The following C1orf87 variants were observed in gnomAD, a reference collection of about 807,000 sequenced individuals.
The protein encoded by C1orf87 is uncharacterized protein C1orf87.
A neutral mutation model predicts 60.5 loss-of-function variants in C1orf87; 58 were observed. The observed-to-expected ratio is 0.96, with a 90% CI of 0.78 to 1.19. The LOEUF is 1.19. C1orf87 is among the 50% of genes most tolerant of loss of function. The pLI is 0.00. For synonymous variants in C1orf87, 236 were observed against 227.4 expected (o/e 1.04, Z -0.34); for missense variants, 673 against 638.6 (o/e 1.05, Z -0.58).
chr1:60,064,300 T>TATATATTATATATAAAATA (rs1557481498), intron 2 of C1orf87, among the ~76,000 whole-genome samples: 4 of 129,204 alleles, frequency 3.1e-5, no homozygotes, highest in Middle Eastern at 3.8e-3. Context: ...TATATATATT[T>TATATATTATATATAAAATA]TATATATAAT....
chr1:60,066,610 G>T (rs1032882964), intron 2 of C1orf87, among the ~76,000 whole-genome samples: 2 of 151,974 alleles, frequency 1.3e-5, no homozygotes, highest in African/African-American at 4.8e-5. Flanking sequence ...CATCCATGAG[G>T]GTTGGAATCA....
chr1:60,043,572 A>T lies in C1orf87; in HGVS notation c.343-2441T>A, dbSNP rs188726462. 3.9e-5 allele frequency among the ~76,000 whole-genome samples: 6 copies of T among 152,084 alleles called. No homozygotes were observed. The East Asian group carries it at 9.7e-4, about 25-fold the overall frequency. On this transcript the variant is annotated intron_variant, in intron 3 of 11. Transcript: ENST00000371201. The stretch of plus-strand genomic sequence containing the variant: ...AAATTTTTTTTTGTATTTTTAGTAG[A>T]GATGGGATTTCACCACGTTGGCCAG...
At chr1:60,058,875 G>A (rs1386364156) in intron 2 of C1orf87, among the ~76,000 whole-genome samples, 1 of 152,128 alleles carries the variant, frequency 6.6e-6, no homozygotes, top group Non-Finnish European at 1.5e-5. Flanking sequence ...GGCAAAAATG[G>A]TCTTTTGGCA....
At chr1:60,055,115 G>T (rs1164099458) in intron 3 of C1orf87, 89 bp downstream of exon 3, 11 of 1,139,174 alleles carry the variant, frequency 9.7e-6, no homozygotes, top group Non-Finnish European at 1.3e-5. Context: ...ATGAACATTT[G>T]TACAGTGTGT....
At chr1:60,034,287 A>T (rs1645259658) in intron 6 of C1orf87, among the ~76,000 whole-genome samples, 1 of 152,222 alleles carries the variant, frequency 6.6e-6, no homozygotes, top group African/African-American at 2.4e-5. Context: ...ATAGGTGAAA[A>T]ACAACAGGGT....
chr1:60,011,125 A>T (rs1557460184), intron 8 of C1orf87, among the ~76,000 whole-genome samples: 1 of 152,078 alleles, frequency 6.6e-6, no homozygotes, highest in Non-Finnish European at 1.5e-5. Context: ...GCAAGAACAC[A>T]ATAGTCAGTG....
chr1:60,039,486 ATT>A (rs1451878527), intron 5 of C1orf87, among the ~76,000 whole-genome samples: 1 of 152,172 alleles, frequency 6.6e-6, no homozygotes, highest in East Asian at 1.9e-4. Context: ...TCTGGGCCTC[ATT>A]TCCTTAATCA....
chr1:60,039,799 G>A lies in C1orf87; in HGVS notation c.747+118C>T, dbSNP rs187777403. 8.8e-5 allele frequency: 98 copies of A among 1,118,920 alleles called. 1 individual carries two copies. In the East Asian group the frequency reaches 2.2e-3, roughly 26 times the overall value. The allele number at this position is 1,118,920 out of a possible 1,614,324, so 69.3% of individuals were successfully genotyped here. A position where few individuals can be genotyped will look rare whatever the true frequency, so the allele number is the denominator to read the frequency against. ...GAATATAAATAAGCTTTTTATCTCA[G>A]TAGTCAGGGATAAAAGTTATTTGCA... On this transcript the variant is annotated intron_variant, in intron 5 of 11. Coordinates refer to ENST00000371201, the MANE Select transcript of C1orf87 (RefSeq NM_152377.3).
In C1orf87 at chr1:60,018,942, G is replaced by T. The variant is rs117593326; in HGVS notation, c.1127+6459C>A. ...TTAGAATATAAGTTTCATGAGGAAA[G>T]GGGCTTTGTTTTATTCATATCTATA... On this transcript the variant is annotated intron_variant, in intron 8 of 11. Transcript: ENST00000371201. Among the ~76,000 whole-genome samples the T allele has an allele frequency of 7.0e-4, 107 of 152,290 alleles. 2 individuals carry two copies. The East Asian group carries it at 0.016, about 23-fold the overall frequency.
At chr1:60,067,693 G>A (rs901675084) in intron 2 of C1orf87, among the ~76,000 whole-genome samples, 1 of 150,710 alleles carries the variant, frequency 6.6e-6, no homozygotes, top group Non-Finnish European at 1.5e-5. Flanking sequence ...TCTGATGATA[G>A]TTTCGTTTGC....
In C1orf87 at chr1:60,025,289, C is replaced by T. The variant is rs956375604; in HGVS notation, c.1127+112G>A. 22 of 785,610 alleles carry T rather than the reference C, an allele frequency of 2.8e-5. No homozygotes were observed. The African/African-American group carries it at 3.8e-4, about 14-fold the overall frequency. The allele number at this position is 785,610 out of a possible 1,614,324, so 48.7% of individuals were successfully genotyped here. A position where few individuals can be genotyped will look rare whatever the true frequency, so the allele number is the denominator to read the frequency against. On this transcript the variant is annotated intron_variant, in intron 8 of 11. Transcript: ENST00000371201. ...TTATGACATCATCTAAACCTAATCA[C>T]CTCCCAAACCAGTCTCCAAAAACCA...
intron 10 of C1orf87, among the ~76,000 whole-genome samples, 187 bp from the exon 11 acceptor site, chr1:59,998,003 A>C (rs1644975357): frequency 6.6e-6 from 1 of 152,116 alleles, no homozygotes; most frequent in Non-Finnish European, 1.5e-5. Context: ...GGATACAAAC[A>C]TGTGAAGTGT....
At chr1:60,060,957 C>A (rs1206771249) in intron 2 of C1orf87, among the ~76,000 whole-genome samples, 1 of 152,116 alleles carries the variant, frequency 6.6e-6, no homozygotes, top group Non-Finnish European at 1.5e-5. Context: ...TTCGCTTTTG[C>A]AAGTCTAAGC....
At chr1:60,022,862 T>A (rs1016041462) in intron 8 of C1orf87, among the ~76,000 whole-genome samples, 3 of 152,168 alleles carry the variant, frequency 2.0e-5, no homozygotes, top group Admixed American at 1.3e-4. Context: ...ACTAAGTGAT[T>A]AACACAGGTG....
intron 9 of C1orf87, among the ~76,000 whole-genome samples, chr1:60,006,663 T>C (rs1645048368): frequency 6.6e-6 from 1 of 152,086 alleles, no homozygotes; most frequent in African/African-American, 2.4e-5. Context: ...TTTGAGATCA[T>C]ACTTCATTTT....
intron 1 of C1orf87, among the ~76,000 whole-genome samples, chr1:60,073,319 C>T (rs1210077529): frequency 2.0e-5 from 3 of 152,132 alleles, no homozygotes; most frequent in Admixed American, 2.0e-4. Context: ...TAAATCTGGC[C>T]ACAGCTGAAC....
intron 2 of C1orf87, among the ~76,000 whole-genome samples, chr1:60,059,491 C>T (rs894820202): frequency 5.3e-5 from 8 of 152,146 alleles, no homozygotes; most frequent in Admixed American, 2.0e-4. Flanking sequence ...TCACCGGGCT[C>T]TTTCTGCAAA....
chr1:60,020,229 A>T (rs114847001), intron 8 of C1orf87, among the ~76,000 whole-genome samples: 362 of 152,296 alleles, frequency 2.4e-3, no homozygotes, highest in African/African-American at 8.4e-3. Flanking sequence ...CCTGCATCCC[A>T]GTTGCTCCAG....
In C1orf87 at chr1:60,001,555, A is replaced by G. The variant is rs142684307; in HGVS notation, c.1193-399T>C. ...AGTTGTGTTTGTAGCACTTATCACT[A>G]CTGAAGAGGAGTTATCCAGGCAAAG... On this transcript the variant is annotated intron_variant, in intron 9 of 11. Transcript: ENST00000371201. 2.5e-3 allele frequency among the ~76,000 whole-genome samples: 379 copies of G among 152,212 alleles called. 3 individuals carry two copies. Among genetic ancestry groups the G allele is most frequent in the African/African-American group, 8.8e-3 (365 of 41,548 alleles).
Sources: gnomAD v4.1 joint callset for allele counts (sites outside exome capture counted in the v4.1 genomes callset) on GRCh38, gnomAD v4.1.1 for gene constraint, MANE v1.5 for transcripts, NCBI Gene and HGNC (gene_info 2026-07-23, HGNC 2026-07-21) for gene names.